RBFOX1: variants seen among roughly 807,000 people sequenced by gnomAD.
The protein encoded by RBFOX1 is RNA binding fox-1 homolog 1, also known as RNA binding protein fox-1 homolog 1.
A neutral mutation model predicts 57.7 loss-of-function variants in RBFOX1; 8 were observed. That is an observed-to-expected ratio of 0.14 (90% confidence interval 0.08 to 0.25). The LOEUF is 0.25. Ranked by LOEUF, RBFOX1 falls within the 10% of genes least tolerant of loss-of-function variation. RBFOX1 has a pLI of 1.00. For synonymous variants in RBFOX1, 326 were observed against 222.4 expected (o/e 1.47, Z -4.15); for missense variants, 611 against 548.5 (o/e 1.11, Z -1.14).
chr16:5,446,592 T>G (rs774406282), intron 1 of RBFOX1, among the ~76,000 whole-genome samples: 24 of 152,028 alleles, frequency 1.6e-4, no homozygotes, highest in Admixed American at 6.6e-4. Context: ...AACAGGAGGG[T>G]GGCTTGATCC....
intron 11 of RBFOX1, among the ~76,000 whole-genome samples, chr16:7,637,766 G>C (rs536610928): frequency 2.0e-5 from 3 of 152,096 alleles, no homozygotes; most frequent in African/African-American, 7.2e-5. Flanking sequence ...TTTTATGGAG[G>C]GGGTGCTTAA....
At chr16:5,430,851 A>G (rs936708546) in intron 1 of RBFOX1, among the ~76,000 whole-genome samples, 1 of 152,246 alleles carries the variant, frequency 6.6e-6, no homozygotes, top group Non-Finnish European at 1.5e-5. Context: ...CAACCTTTAC[A>G]CATAGCCTCC....
intron 1 of RBFOX1, among the ~76,000 whole-genome samples, chr16:5,416,420 G>C (rs968825568): frequency 6.6e-6 from 1 of 152,132 alleles, no homozygotes; most frequent in Admixed American, 6.5e-5. Flanking sequence ...GATCTAAGAA[G>C]AATCACTGAT....
chr16:6,571,444 T>C (rs1390635145), intron 2 of RBFOX1, among the ~76,000 whole-genome samples: 1 of 152,198 alleles, frequency 6.6e-6, no homozygotes, highest in East Asian at 1.9e-4. Context: ...TCGGAGTGAT[T>C]TTTTTAAGTT....
chr16:7,116,705 T>G (rs1373841782), intron 4 of RBFOX1, among the ~76,000 whole-genome samples: 1 of 152,166 alleles, frequency 6.6e-6, no homozygotes, highest in African/African-American at 2.4e-5. Flanking sequence ...CTGTTTACTG[T>G]TAAGGTACGT....
chr16:6,268,726 C>G (rs540678424), intron 1 of RBFOX1, among the ~76,000 whole-genome samples: 2 of 151,996 alleles, frequency 1.3e-5, no homozygotes, highest in Admixed American at 1.3e-4. Context: ...TACAGTTCAT[C>G]GAAGAAACAC....
intron 1 of RBFOX1, among the ~76,000 whole-genome samples, chr16:5,316,388 C>T (rs1189202154): frequency 1.3e-5 from 2 of 152,208 alleles, no homozygotes; most frequent in African/African-American, 2.4e-5. Context: ...GCCCAGCACA[C>T]TGCCCAGAAC....
intron 4 of RBFOX1, among the ~76,000 whole-genome samples, chr16:7,491,188 C>T (rs915249207): frequency 6.6e-6 from 1 of 152,126 alleles, no homozygotes; most frequent in Non-Finnish European, 1.5e-5. Context: ...CAACCACCCA[C>T]TTACCCATCT....
intron 3 of RBFOX1, among the ~76,000 whole-genome samples, chr16:6,733,745 G>A (rs1384751866): frequency 6.6e-6 from 1 of 151,360 alleles, no homozygotes; most frequent in South Asian, 2.1e-4. Context: ...GCGAAAGAGC[G>A]AGACCCTGCC....
intron 4 of RBFOX1, among the ~76,000 whole-genome samples, chr16:7,161,034 T>G (rs959519830): frequency 6.6e-6 from 1 of 152,036 alleles, no homozygotes; most frequent in Non-Finnish European, 1.5e-5. Flanking sequence ...TTGTTGTCAG[T>G]GTTTTGGTTC....
intron 4 of RBFOX1, among the ~76,000 whole-genome samples, chr16:7,159,776 C>T (rs759386765): frequency 1.3e-5 from 2 of 152,158 alleles, no homozygotes; most frequent in Non-Finnish European, 2.9e-5. Context: ...CATCAAATAA[C>T]TGGGCTCCTC....
At chr16:6,736,762 G>A (rs1402837712) in intron 3 of RBFOX1, among the ~76,000 whole-genome samples, 2 of 152,186 alleles carry the variant, frequency 1.3e-5, no homozygotes, top group African/African-American at 4.8e-5. Flanking sequence ...AGAAGGACAG[G>A]TTGTGATTTG....
At chr16:5,856,613 C>G (rs562347612) in intron 3 of RBFOX1, among the ~76,000 whole-genome samples, 39 of 51,802 alleles carry the variant, frequency 7.5e-4, no homozygotes, top group Middle Eastern at 0.014. Context: ...ATAATCTTAG[C>G]CAGATCTTCT....
intron 4 of RBFOX1, among the ~76,000 whole-genome samples, chr16:7,225,477 C>G (rs28513861): frequency 0.039 from 5,870 of 152,016 alleles, 134 homozygotes; most frequent in Middle Eastern, 0.065. Flanking sequence ...TGAGGCCTCC[C>G]CAGCCACGTA....
chr16:7,001,406 G>GTATATC (rs1555743491), intron 3 of RBFOX1, among the ~76,000 whole-genome samples: 300 of 121,590 alleles, frequency 2.5e-3, no homozygotes, highest in East Asian at 5.0e-3. Flanking sequence ...ATTTGTATAT[G>GTATATC]TATATGTATA....
At chr16:6,095,805 G>A (rs561755824) in intron 1 of RBFOX1, among the ~76,000 whole-genome samples, 6 of 152,292 alleles carry the variant, frequency 3.9e-5, no homozygotes, top group East Asian at 1.9e-4. Context: ...GTCTGGGATC[G>A]TTACCAACAG....
At chr16:5,673,076 A>G (rs1229002077) in intron 3 of RBFOX1, among the ~76,000 whole-genome samples, 3 of 152,082 alleles carry the variant, frequency 2.0e-5, no homozygotes, top group Admixed American at 2.0e-4. Flanking sequence ...GTTTGGAAGT[A>G]TGTCTAGCGG....
intron 4 of RBFOX1, among the ~76,000 whole-genome samples, chr16:7,392,608 A>C: frequency 6.6e-6 from 1 of 152,188 alleles, no homozygotes; most frequent in East Asian, 1.9e-4. Flanking sequence ...TTCTTGGGCT[A>C]GAGTCAGAGC....
chr16:6,697,541 C>T (rs2154138561), intron 3 of RBFOX1, among the ~76,000 whole-genome samples: 2 of 152,320 alleles, frequency 1.3e-5, no homozygotes, highest in South Asian at 4.1e-4. Flanking sequence ...TGTGTGATCA[C>T]ATGGTCCATT....
Sources: gnomAD v4.1 joint callset for allele counts (sites outside exome capture counted in the v4.1 genomes callset) on GRCh38, gnomAD v4.1.1 for gene constraint, MANE v1.5 for transcripts, NCBI Gene and HGNC (gene_info 2026-07-23, HGNC 2026-07-21) for gene names.